The following CAMSAP1 variants were observed in gnomAD, a reference collection of about 807,000 sequenced individuals.
CAMSAP1 encodes the protein calmodulin-regulated spectrin-associated protein 1.
A neutral mutation model predicts 143.5 loss-of-function variants in CAMSAP1; 58 were observed. The observed-to-expected ratio is 0.40, with a 90% CI of 0.33 to 0.50. CAMSAP1 has a LOEUF of 0.50. Among genes scored for constraint, CAMSAP1 ranks in the 20% least tolerant of loss-of-function variants. The pLI, the probability that CAMSAP1 is intolerant of heterozygous loss-of-function variation, is 0.45. For synonymous variants in CAMSAP1, 945 were observed against 859.3 expected (o/e 1.10, Z -1.74); for missense variants, 1,969 against 2,115.7 (o/e 0.93, Z 1.36).
At chr9:135,831,243 T>A (rs575593862) in intron 7 of CAMSAP1, among the ~76,000 whole-genome samples, 1 of 152,086 alleles carries the variant, frequency 6.6e-6, no homozygotes, top group African/African-American at 2.4e-5. Context: ...TAAGCTACCA[T>A]TGAGTAAAAA....
chr9:135,865,723 C>T (rs1453857217), intron 4 of CAMSAP1, among the ~76,000 whole-genome samples: 1 of 152,122 alleles, frequency 6.6e-6, no homozygotes, highest in Non-Finnish European at 1.5e-5. Flanking sequence ...GGAGGAAGCT[C>T]AATGCTTAAG....
At chr9:135,813,305 T>C (rs1444792688) in intron 16 of CAMSAP1, among the ~76,000 whole-genome samples, 1 of 152,240 alleles carries the variant, frequency 6.6e-6, no homozygotes. Flanking sequence ...CCAGCCCTCT[T>C]ATGTCAATGC....
chr9:135,841,492 A>G (rs1284972673), intron 7 of CAMSAP1, among the ~76,000 whole-genome samples: 9 of 152,194 alleles, frequency 5.9e-5, no homozygotes, highest in African/African-American at 2.2e-4. Flanking sequence ...CACAGCGCTC[A>G]AGCTCTGCTA....
chr9:135,897,967 G>A (rs768553917), intron 1 of CAMSAP1, among the ~76,000 whole-genome samples: 8 of 152,094 alleles, frequency 5.3e-5, no homozygotes, highest in Non-Finnish European at 1.2e-4. Flanking sequence ...AAAATACCTA[G>A]AACTGAATGA....
chr9:135,895,694 G>A lies in CAMSAP1; in HGVS notation c.160+11306C>T, dbSNP rs527260442. ...CTTATGAGTTTTTTAAATTACATACGATGACAAAAATTTTAACACTGTCAG... is the reference window on the plus strand; with the variant it reads ...CTTATGAGTTTTTTAAATTACATACAATGACAAAAATTTTAACACTGTCAG... On this transcript the variant is annotated intron_variant, in intron 1 of 16. Transcript: ENST00000389532. Among the ~76,000 whole-genome samples, 10 of 152,188 alleles carry A rather than the reference G, an allele frequency of 6.6e-5. No individual in the cohort carries two copies. The East Asian group carries it at 7.7e-4, about 12-fold the overall frequency.
rs1403934194 is a variant in CAMSAP1 at position 135,811,282 on chromosome 9, A to C, written c.*27T>G. The stretch of plus-strand genomic sequence containing the variant: ...AGGGCATCATTTACGAGTCTGGGTC[A>C]CCCTTTGGACGCCAGCTGCACCGGG... On this transcript the variant is annotated 3_prime_UTR_variant, in exon 17 of 17. Transcript: ENST00000389532. This position sits in a 1 kb window ranked among gnomAD's most constrained non-coding sequence, Gnocchi z 4.9. The C allele has an allele frequency of 6.2e-7, 1 of 1,602,624 alleles. No individual in the cohort carries two copies. The highest frequency in any genetic ancestry group is 1.7e-5 in the Admixed American group (1 of 58,990).
intron 5 of CAMSAP1, among the ~76,000 whole-genome samples, chr9:135,859,784 G>T (rs1488980680): frequency 2.6e-5 from 4 of 152,084 alleles, no homozygotes; most frequent in African/African-American, 9.7e-5. Context: ...CTGTTCACAT[G>T]ATCATAATTG....
intron 3 of CAMSAP1, among the ~76,000 whole-genome samples, chr9:135,872,000 G>A (rs913008046): frequency 2.0e-5 from 3 of 151,822 alleles, no homozygotes; most frequent in Non-Finnish European, 2.9e-5. Context: ...TACTCGGGAG[G>A]CTGGCAGGAG....
intron 1 of CAMSAP1, 135 bp downstream of exon 1, chr9:135,906,865 C>T: frequency 1.6e-5 from 7 of 451,314 alleles, no homozygotes; most frequent in Non-Finnish European, 2.1e-5. Flanking sequence ...CGGAGGCGGC[C>T]GGCCCAGCCC....
chr9:135,884,410 G>C (rs1475124385), intron 1 of CAMSAP1, among the ~76,000 whole-genome samples: 1 of 152,100 alleles, frequency 6.6e-6, no homozygotes, highest in Admixed American at 6.5e-5. Flanking sequence ...CCTGAGCCCT[G>C]AGTCACTTCA....
intron 3 of CAMSAP1, among the ~76,000 whole-genome samples, chr9:135,878,997 GA>G (rs1244786799): frequency 6.6e-6 from 1 of 152,148 alleles, no homozygotes; most frequent in Non-Finnish European, 1.5e-5. Flanking sequence ...ACAAGGAAAG[GA>G]ACATGAGTTG....
intron 5 of CAMSAP1, among the ~76,000 whole-genome samples, chr9:135,860,798 G>A (rs771679012): frequency 6.6e-5 from 10 of 152,038 alleles, no homozygotes; most frequent in South Asian, 2.1e-4. Flanking sequence ...CTTTCCCTGC[G>A]TGGTTTCTGA....
rs547710212 is a variant in CAMSAP1 at position 135,818,631 on chromosome 9, C to A, written c.3960-15G>T. The A allele has an allele frequency of 6.2e-7, 1 of 1,609,248 alleles. No individual in the cohort carries two copies. ...CAGCTTTGCGCCTGAGAGAAACACACGCCCAGACACTGCTCGGTCACGGGG... is the reference window on the plus strand; with the variant it reads ...CAGCTTTGCGCCTGAGAGAAACACAAGCCCAGACACTGCTCGGTCACGGGG... On this transcript the variant is annotated splice_polypyrimidine_tract_variant and intron_variant, in intron 12 of 16. Transcript: ENST00000389532. The surrounding 1 kb of genome is among the most constrained non-coding windows in gnomAD (Gnocchi z 7.7).
At chr9:135,816,851 G>A (rs1835245490) in intron 14 of CAMSAP1, among the ~76,000 whole-genome samples, 2 of 152,208 alleles carry the variant, frequency 1.3e-5, no homozygotes, top group Non-Finnish European at 2.9e-5. Flanking sequence ...GGAGCTCCAT[G>A]GTGGTCACTA....
At chr9:135,849,584 TTATC>T (rs1291774635) in intron 7 of CAMSAP1, among the ~76,000 whole-genome samples, 1 of 152,208 alleles carries the variant, frequency 6.6e-6, no homozygotes, top group Admixed American at 6.5e-5. Flanking sequence ...TACTAGTTAT[TTATC>T]TACCACATAC....
intron 3 of CAMSAP1, among the ~76,000 whole-genome samples, chr9:135,866,922 C>CT (rs1468381338): frequency 6.6e-6 from 1 of 152,154 alleles, no homozygotes; most frequent in Non-Finnish European, 1.5e-5. Context: ...ACTAAAGAGC[C>CT]TAACTTGTGA....
At chr9:135,894,582 G>A (rs1437315668) in intron 1 of CAMSAP1, among the ~76,000 whole-genome samples, 1 of 152,158 alleles carries the variant, frequency 6.6e-6, no homozygotes, top group Non-Finnish European at 1.5e-5. Flanking sequence ...AAGCCCCAGG[G>A]GAGAGGCTAA....
At position 135,818,885 on chromosome 9, in the gene CAMSAP1, A is replaced by C. The variant is rs972239243; in HGVS notation, c.3959+125T>G. ...AAAGTTCGGGGAGGTGGTCCATGGG[A>C]GGAGTAAGACCGTCACAGGCACTCA... On this transcript the variant is annotated intron_variant, in intron 12 of 16. Transcript: ENST00000389532. This position sits in a 1 kb window ranked among gnomAD's most constrained non-coding sequence, Gnocchi z 7.7. 5.0e-6 allele frequency: 7 copies of C among 1,410,934 alleles called. No individual in the cohort carries two copies. In the African/African-American group the frequency reaches 8.5e-5, roughly 17 times the overall value. 87.4% of individuals were successfully genotyped at this position (1,410,934 alleles called of 1,614,324 possible).
At chr9:135,815,011 T>C (rs982407484) in intron 16 of CAMSAP1, 86 bp downstream of exon 16, 13 of 937,860 alleles carry the variant, frequency 1.4e-5, no homozygotes, top group Middle Eastern at 2.1e-4. Flanking sequence ...CATCAAAGAT[T>C]AGGGGTGTTT....
Sources: gnomAD v4.1 joint callset for allele counts (sites outside exome capture counted in the v4.1 genomes callset) on GRCh38, gnomAD v4.1.1 for gene constraint, Gnocchi (gnomAD v3.1) non-coding constraint, MANE v1.5 for transcripts, NCBI Gene and HGNC (gene_info 2026-07-23, HGNC 2026-07-21) for gene names.